The following C6orf118 variants were observed in gnomAD, a reference collection of about 807,000 sequenced individuals.
The protein encoded by C6orf118 is uncharacterized protein C6orf118.
C6orf118 carries 50 observed loss-of-function variants against 50.2 expected under a neutral mutation model. The observed-to-expected ratio is 1.00, with a 90% CI of 0.79 to 1.26. C6orf118 has a LOEUF of 1.26. Ranked by LOEUF, C6orf118 falls within the 50% of genes most tolerant of loss-of-function variation. C6orf118 has a pLI of 0.00. For missense variants in C6orf118, 641 were observed against 578.7 expected, an observed-to-expected ratio of 1.11 and a Z score of -1.10; for synonymous variants, 239 against 230.9, an observed-to-expected ratio of 1.03 and a Z score of -0.32.
chr6:165,289,533 G>T (rs916028652), intron 7 of C6orf118, among the ~76,000 whole-genome samples: 1 of 152,056 alleles, frequency 6.6e-6, no homozygotes, highest in Admixed American at 6.6e-5. Context: ...CACCCAAATA[G>T]TGTACGGTGT....
At chr6:165,307,621 C>T (rs1176078657) in intron 1 of C6orf118, among the ~76,000 whole-genome samples, 3 of 152,068 alleles carry the variant, frequency 2.0e-5, no homozygotes, top group African/African-American at 7.2e-5. Context: ...ACTGAGAATC[C>T]CATGGAAATT....
chr6:165,284,733 T>A (rs1000960672), intron 7 of C6orf118, among the ~76,000 whole-genome samples: 1 of 152,118 alleles, frequency 6.6e-6, no homozygotes, highest in African/African-American at 2.4e-5. Context: ...ATAAGCTTCA[T>A]AAGCAAAGGA....
At chr6:165,306,189 T>C (rs57491335) in intron 1 of C6orf118, among the ~76,000 whole-genome samples, 585 of 24,282 alleles carry the variant, frequency 0.024, 28 homozygotes, top group African/African-American at 0.11. Flanking sequence ...ATGGATGAAA[T>C]TGGAAACCAT....
chr6:165,282,645 C>CTCTT (rs1779766681), intron 7 of C6orf118, among the ~76,000 whole-genome samples: 1 of 13,210 alleles, frequency 7.6e-5, no homozygotes, highest in Non-Finnish European at 1.4e-4. Flanking sequence ...ATACATTCAG[C>CTCTT]TCTTTTTTTT....
In C6orf118 at chr6:165,309,245, CCCT is replaced by C. The variant is rs778528053; in HGVS notation, c.25+314_25+316del. ...AACAGCCTGCAACCTGCCGCTTCGT[CCCT>C]CCTCCTCCTCCTCCTCTTCAGGCTT... On this transcript the variant is annotated intron_variant, in intron 1 of 8. Coordinates refer to ENST00000230301, the MANE Select transcript of C6orf118 (RefSeq NM_144980.4). Among the ~76,000 whole-genome samples the C allele has an allele frequency of 1.3e-3, 191 of 152,152 alleles. 2 individuals carry two copies. Among genetic ancestry groups the C allele is most frequent in the East Asian group, 5.4e-3 (28 of 5,164 alleles).
chr6:165,279,913 T>C lies in C6orf118; in HGVS notation c.*144A>G, dbSNP rs909712084. The C allele has an allele frequency of 3.9e-6, 3 of 762,294 alleles. No homozygotes were observed. In the African/African-American group the frequency reaches 5.4e-5, roughly 14 times the overall value. The allele number at this position is 762,294 out of a possible 1,614,324, so 47.2% of individuals were successfully genotyped here. On this transcript the variant is annotated 3_prime_UTR_variant, in exon 9 of 9. Transcript: ENST00000230301. ...GTGTATTTCAGTATCCTGAGTAGGA[T>C]ACATATACCACATTAATTTTACTAG...
intron 5 of C6orf118, among the ~76,000 whole-genome samples, chr6:165,295,697 C>A (rs540679840): frequency 6.6e-6 from 1 of 151,522 alleles, no homozygotes; most frequent in East Asian, 1.9e-4. Flanking sequence ...GTCCTGGATA[C>A]CTTGCTTGTT....
chr6:165,302,081 G>C lies in C6orf118; in HGVS notation c.241C>G (p.Pro81Ala), dbSNP rs1189765141. 1 of 1,613,944 alleles carries C rather than the reference G, an allele frequency of 6.2e-7. No homozygotes were observed. Among genetic ancestry groups the C allele is most frequent in the Non-Finnish European group, 8.5e-7 (1 of 1,180,006 alleles). The change falls in exon 2 of 9, where the codon CCC becomes GCC. Residue 81 changes from proline (P) to alanine (A), a missense_variant. Coordinates refer to ENST00000230301, the MANE Select transcript of C6orf118 (RefSeq NM_144980.4). ...QPPETILQHW[P>A]NAHRPKGERA... The stretch of plus-strand genomic sequence containing the variant: ...TCCCCCTTGGGCCGGTGGGCATTGG[G>C]CCAGTGCTGTAAGATCGTCTCCGGA...
intron 6 of C6orf118, among the ~76,000 whole-genome samples, chr6:165,292,739 G>A (rs377348950): frequency 5.9e-5 from 9 of 152,276 alleles, no homozygotes; most frequent in African/African-American, 1.7e-4. Context: ...GCGGGACAAG[G>A]GGATGCAAAT....
At chr6:165,298,226 A>C (rs2128161676) in intron 4 of C6orf118, 125 bp from the exon 5 acceptor site, 1 of 1,152,192 alleles carries the variant, frequency 8.7e-7, no homozygotes, top group Non-Finnish European at 1.1e-6. Context: ...TAGTTAAAAT[A>C]GGTAAATTGG....
chr6:165,280,296 C>G (rs1779683801), intron 8 of C6orf118, among the ~76,000 whole-genome samples, 186 bp from the exon 9 acceptor site: 1 of 152,150 alleles, frequency 6.6e-6, no homozygotes, highest in Admixed American at 6.5e-5. Context: ...GTAACAGATT[C>G]TCTAAATAGA....
At chr6:165,280,911 T>G (rs907508486) in intron 8 of C6orf118, among the ~76,000 whole-genome samples, 5 of 152,182 alleles carry the variant, frequency 3.3e-5, no homozygotes, top group African/African-American at 1.2e-4. Flanking sequence ...TTCCTGTTGA[T>G]ACAAATAAGC....
rs1583024353 is a variant in C6orf118, at chr6:165,301,771, A to C, written c.551T>G (p.Val184Gly). The change falls in exon 2 of 9, where the codon GTG becomes GGG. Residue 184 changes from valine (V) to glycine (G), a missense_variant. By Grantham distance (109) the Val-to-Gly change is moderately radical. Coordinates refer to ENST00000230301, the MANE Select transcript of C6orf118 (RefSeq NM_144980.4). ...GGACCCGGCCTCCTGGTAGCACAGC[A>C]CCTTCAAGTCGGGCAGCCGGAGTTC... is the stretch of plus-strand genomic sequence containing the variant. The part of the protein sequence containing the change: ...REELRLPDLK[V>G]LCYQEAGSRG... The C allele has an allele frequency of 1.2e-6, 2 of 1,613,950 alleles. No homozygotes were observed. Among genetic ancestry groups the C allele is most frequent in the East Asian group, 2.2e-5 (1 of 44,864 alleles).
Position 165,302,040 on chromosome 6 carries a change from C to T in C6orf118, c.282G>A (p.Val94=), listed in dbSNP as rs1185806926. 2 of 1,613,498 alleles carry T rather than the reference C, an allele frequency of 1.2e-6. No homozygotes were observed. Among genetic ancestry groups the T allele is most frequent in the Non-Finnish European group, 1.7e-6 (2 of 1,179,860 alleles). ...HRPKGERASE[V]GEPPAGKVAR... ...CCACCTTCCCTGCGGGCGGCTCTCC[C>T]ACCTCAGAGGCGCGCTCCCCCTTGG... is the stretch of plus-strand genomic sequence containing the variant. The change falls in exon 2 of 9, where the codon GTG becomes GTA. Residue 94 remains valine, a synonymous_variant. Coordinates refer to ENST00000230301, the MANE Select transcript of C6orf118 (RefSeq NM_144980.4).
chr6:165,281,408 C>G, intron 8 of C6orf118: 1 of 866,580 alleles, frequency 1.2e-6, no homozygotes, highest in Non-Finnish European at 1.6e-6. Flanking sequence ...CTAGTCTAAT[C>G]TAGTTTTAAA....
At position 165,301,568 on chromosome 6, in the gene C6orf118, C is replaced by A. The variant is rs200270235; in HGVS notation, c.753+1G>T. Reference sequence around the variant, plus strand: ...GACCACCGCAGGGCTGCCCTCCTCACCTGCTGCAGCTTTCTCTCGTGGCCC... The same window carrying A: ...GACCACCGCAGGGCTGCCCTCCTCAACTGCTGCAGCTTTCTCTCGTGGCCC... On this transcript the variant is annotated splice_donor_variant, in intron 2 of 8. Coordinates refer to ENST00000230301, the MANE Select transcript of C6orf118 (RefSeq NM_144980.4). LOFTEE classifies it high-confidence loss of function. The A allele has an allele frequency of 2.2e-5, 35 of 1,609,274 alleles. No homozygotes were observed. The Admixed American group carries it at 5.5e-4, about 25-fold the overall frequency.
chr6:165,292,395 G>C (rs772462591), intron 6 of C6orf118, among the ~76,000 whole-genome samples: 1 of 152,196 alleles, frequency 6.6e-6, no homozygotes, highest in Non-Finnish European at 1.5e-5. Context: ...CAGTGGGCTA[G>C]GATCAAACAC....
chr6:165,280,328 T>C (rs117731105), intron 8 of C6orf118, among the ~76,000 whole-genome samples: 1 of 152,194 alleles, frequency 6.6e-6, no homozygotes, highest in East Asian at 1.9e-4. Context: ...CCCTGTAGCA[T>C]ATAGTGTGGC....
chr6:165,285,806 G>A (rs1779884036), intron 7 of C6orf118, among the ~76,000 whole-genome samples: 1 of 151,898 alleles, frequency 6.6e-6, no homozygotes, highest in Non-Finnish European at 1.5e-5. Context: ...AGCACTAAAT[G>A]CCCACATCAG....
Sources: gnomAD v4.1 joint callset for allele counts (sites outside exome capture counted in the v4.1 genomes callset) on GRCh38, gnomAD v4.1.1 for gene constraint, MANE v1.5 for transcripts, NCBI Gene and HGNC (gene_info 2026-07-23, HGNC 2026-07-21) for gene names.